Variants in MTMR4 observed in about 807,000 individuals in gnomAD.
MTMR4 encodes myotubularin related protein 4.
MTMR4 carries 30 observed loss-of-function variants against 125.5 expected under a neutral mutation model. The ratio of observed to expected loss-of-function variants is 0.24; its 90% confidence interval spans 0.18 to 0.32. MTMR4 has a LOEUF of 0.32. Among genes scored for constraint, MTMR4 ranks in the 10% least tolerant of loss-of-function variants. The pLI, the probability that MTMR4 is intolerant of heterozygous loss-of-function variation, is 1.00. For synonymous variants in MTMR4, 498 were observed against 564.5 expected (o/e 0.88, Z 1.67); for missense variants, 1,039 against 1,511.5 (o/e 0.69, Z 5.18).
chr17:58,512,927 G>A lies in MTMR4; in HGVS notation c.60C>T (p.Pro20=), dbSNP rs760959680. 1.2e-6 allele frequency: 2 copies of A among 1,610,754 alleles called. No individual in the cohort carries two copies. Among genetic ancestry groups the A allele is most frequent in the South Asian group, 2.2e-5 (2 of 90,764 alleles). ...TGGCTTGGATGTACTCCAGGCTGGG[G>A]GGCCCCTCCTCACCCTGTAGGAAGG... ...SMLSCFGEEG[P]PSLEYIQAKD... The change falls in exon 2 of 18, where the codon CCC becomes CCT. Residue 20 remains proline, a synonymous_variant. Coordinates refer to ENST00000682306, the MANE Select transcript of MTMR4 (RefSeq NM_001378067.1). The surrounding 1 kb of genome is among the most constrained non-coding windows in gnomAD (Gnocchi z 4.1).
upstream of MTMR4, among the ~76,000 whole-genome samples, chr17:58,518,355 T>C (rs554745586): frequency 2.6e-5 from 4 of 152,244 alleles, no homozygotes; most frequent in East Asian, 5.8e-4. Flanking sequence ...AGTTTATCCA[T>C]TCCCGTTTTG....
intron 14 of MTMR4, among the ~76,000 whole-genome samples, chr17:58,498,146 G>A (rs962532129): frequency 3.3e-5 from 5 of 152,170 alleles, no homozygotes; most frequent in South Asian, 4.1e-4. Context: ...CATGAGAATC[G>A]CTTGAACCTG....
At chr17:58,515,210 C>G, upstream of MTMR4, 1 of 289,820 alleles carries the variant, frequency 3.5e-6, no homozygotes, top group African/African-American at 2.3e-5. Flanking sequence ...GAAAGGATTT[C>G]TTAGTCTGGG....
upstream of MTMR4, chr17:58,516,481 G>T: frequency 7.8e-7 from 1 of 1,283,606 alleles, no homozygotes; most frequent in Non-Finnish European, 1.1e-6. Context: ...GAACAGGGTA[G>T]CCTGGAGCTC....
At chr17:58,503,923 G>A (rs1021292211) in intron 13 of MTMR4, 25 bp from the exon 14 acceptor site, 37 of 1,601,242 alleles carry the variant, frequency 2.3e-5, no homozygotes, top group Non-Finnish European at 2.6e-5. Context: ...CAATACTAGT[G>A]CTTTGTCAAG....
chr17:58,505,598 G>A lies in MTMR4; in HGVS notation c.1034-15C>T. On this transcript the variant is annotated splice_polypyrimidine_tract_variant and intron_variant, in intron 9 of 17. Coordinates refer to ENST00000682306, the MANE Select transcript of MTMR4 (RefSeq NM_001378067.1). ...GGGATAGTACTCTGTAGACATGACA[G>A]GAGAGTGGGACATAAAAGCACGTCC... 1 of 1,594,940 alleles carries A rather than the reference G, an allele frequency of 6.3e-7. No individual in the cohort carries two copies. Among genetic ancestry groups the A allele is most frequent in the Non-Finnish European group, 8.6e-7 (1 of 1,165,186 alleles).
upstream of MTMR4, chr17:58,515,092 G>A (rs1361119196): frequency 1.0e-6 from 1 of 982,884 alleles, no homozygotes. Context: ...TCCTGGAAAG[G>A]GAAATGAGCT....
At chr17:58,509,695 C>T (rs1363156623) in intron 4 of MTMR4, among the ~76,000 whole-genome samples, 50 of 152,138 alleles carry the variant, frequency 3.3e-4, no homozygotes, top group Admixed American at 3.2e-3. Flanking sequence ...ACTAGGATTA[C>T]AGGTATGTGC....
Position 58,507,236 on chromosome 17 carries a change from T to C in MTMR4, c.791A>G (p.Tyr264Cys). 9 of 1,614,124 alleles carry C rather than the reference T, an allele frequency of 5.6e-6. No homozygotes were observed. Among genetic ancestry groups the C allele is most frequent in the Non-Finnish European group, 7.6e-6 (9 of 1,180,026 alleles). ...WWGWRNADDE[Y>C]LVTSIAKACA... ...GGCTTTAGCAATGGACGTGACCAGGTACTCATCATCAGCATTGCGCCAGCC... is the reference window on the plus strand; with the variant it reads ...GGCTTTAGCAATGGACGTGACCAGGCACTCATCATCAGCATTGCGCCAGCC... The change falls in exon 8 of 18, where the codon TAC becomes TGC. Residue 264 changes from tyrosine to cysteine, a missense_variant. Transcript: ENST00000682306.
Position 58,507,148 on chromosome 17 carries a change from G to A in MTMR4, c.879C>T (p.Thr293=), listed in dbSNP as rs1439656066. 9.9e-6 allele frequency: 16 copies of A among 1,614,004 alleles called. 1 individual carries two copies. The South Asian group carries it at 1.8e-4, about 18-fold the overall frequency. ...GGSLSTGNND[T]SEACDADFDS... is the part of the protein sequence containing the mutation. ...CAAAGTCAGCATCACACGCCTCGCT[G>A]GTATCATTATTCCCGGTGCTGAGGG... The change falls in exon 8 of 18, where the codon ACC becomes ACT. Residue 293 remains threonine, a synonymous_variant. Coordinates refer to ENST00000682306, the MANE Select transcript of MTMR4 (RefSeq NM_001378067.1).
At chr17:58,506,936 G>C in intron 8 of MTMR4, 65 bp from the exon 9 acceptor site, 2 of 1,580,474 alleles carry the variant, frequency 1.3e-6, no homozygotes. Flanking sequence ...TGGCCCTCTG[G>C]CACTCCCTCT....
chr17:58,496,508 T>C (rs1975471251), intron 14 of MTMR4, among the ~76,000 whole-genome samples, 178 bp from the exon 15 acceptor site: 1 of 152,162 alleles, frequency 6.6e-6, no homozygotes, highest in Non-Finnish European at 1.5e-5. Flanking sequence ...CACTGAAAGT[T>C]TACTCTGTAA....
chr17:58,506,122 G>A (rs1183788865), intron 9 of MTMR4, among the ~76,000 whole-genome samples: 1 of 152,158 alleles, frequency 6.6e-6, no homozygotes, highest in Non-Finnish European at 1.5e-5. Context: ...TACTTAGAAA[G>A]ACAATATATA....
At chr17:58,507,061 GGA>G (rs1423155243) in intron 8 of MTMR4, 60 bp downstream of exon 8, 55 of 1,600,904 alleles carry the variant, frequency 3.4e-5, no homozygotes, top group Non-Finnish European at 2.9e-5. Context: ...GGACTCCCTG[GGA>G]GCCAATGAAG....
At chr17:58,518,286 ACTTCCGGTGATGG>A (rs1444396173), upstream of MTMR4, among the ~76,000 whole-genome samples, 1 of 152,130 alleles carries the variant, frequency 6.6e-6, no homozygotes, top group Non-Finnish European at 1.5e-5. Context: ...GCCTAAAGCC[ACTTCCGGTGATGG>A]CCCCGCCCAG....
chr17:58,506,667 A>G, intron 9 of MTMR4, 76 bp downstream of exon 9: 1 of 1,566,208 alleles, frequency 6.4e-7, no homozygotes, highest in Non-Finnish European at 8.7e-7. Context: ...CCACTATACA[A>G]ATGGCCCCCA....
At chr17:58,518,430 G>C (rs1380512501), upstream of MTMR4, among the ~76,000 whole-genome samples, 1 of 152,200 alleles carries the variant, frequency 6.6e-6, no homozygotes, top group East Asian at 1.9e-4. Flanking sequence ...TAAGAGAGAA[G>C]GGAGGGCTGG....
intron 4 of MTMR4, 106 bp downstream of exon 4, chr17:58,511,323 A>T (rs769344565): frequency 5.1e-5 from 52 of 1,027,020 alleles, no homozygotes; most frequent in Non-Finnish European, 7.0e-5. Flanking sequence ...CCAACTGGGG[A>T]AAGTGAGGCA....
At chr17:58,498,486 T>C (rs1421512932) in intron 14 of MTMR4, among the ~76,000 whole-genome samples, 1 of 129,118 alleles carries the variant, frequency 7.7e-6, no homozygotes, top group East Asian at 2.4e-4. Context: ...ATGACTTTAA[T>C]GGAAGAAGAA....
Sources: gnomAD v4.1 joint callset for allele counts (sites outside exome capture counted in the v4.1 genomes callset) on GRCh38, gnomAD v4.1.1 for gene constraint, Gnocchi (gnomAD v3.1) non-coding constraint, MANE v1.5 for transcripts, NCBI Gene and HGNC (gene_info 2026-07-23, HGNC 2026-07-21) for gene names.